PEG3: variants seen among roughly 807,000 people sequenced by gnomAD.
PEG3 encodes the protein paternally expressed 3, also known as paternally-expressed gene 3 protein.
A neutral mutation model predicts 35.5 loss-of-function variants in PEG3; 23 were observed. The ratio of observed to expected loss-of-function variants is 0.65; its 90% CI spans 0.47 to 0.92. The LOEUF (loss-of-function observed/expected upper bound fraction) is 0.92. Among genes scored for constraint, PEG3 ranks in the 40% least tolerant of loss-of-function variants. PEG3 has a pLI of 0.00. For synonymous variants in PEG3, 707 were observed against 697.0 expected (o/e 1.01, Z -0.23); for missense variants, 1,960 against 1,985.3 (o/e 0.99, Z 0.24).
At chr19:56,838,698 T>C (rs2062522475) in intron 1 of PEG3, among the ~76,000 whole-genome samples, 1 of 152,190 alleles carries the variant, frequency 6.6e-6, no homozygotes, top group South Asian at 2.1e-4. Flanking sequence ...AGGCAAACTC[T>C]TTAGGCACGT....
rs1395872454 is a variant in PEG3, at chr19:56,817,564, G to A, written c.878C>T (p.Pro293Leu). The change falls in exon 10 of 10, where the codon CCT (proline) becomes CTT (leucine). Residue 293 changes from proline (P) to leucine (L), a missense_variant. Pro to Leu is a moderately conservative substitution (Grantham distance 98). Around this residue, in one of 5 missense-constraint regions of PEG3, gnomAD observed 613 missense variants for 577.1 expected, o/e 1.06. Transcript: ENST00000326441. Reference protein sequence around the residue: ...PSTSRGLKTMPEAKKSTHRRG... With the variant: ...PSTSRGLKTMLEAKKSTHRRG... Reference sequence around the variant, plus strand: ...CCGGTGGGTTGATTTTTTGGCTTCAGGCATAGTTTTTAGACCTGGAAAGAA... The same window carrying A: ...CCGGTGGGTTGATTTTTTGGCTTCAAGCATAGTTTTTAGACCTGGAAAGAA... 1.3e-6 allele frequency: 2 copies of A among 1,591,808 alleles called. No individual in the cohort carries two copies. Among genetic ancestry groups the A allele is most frequent in the Non-Finnish European group, 1.7e-6 (2 of 1,168,404 alleles).
chr19:56,822,972 A>G, intron 5 of PEG3, 136 bp from the exon 6 acceptor site: 1 of 1,187,242 alleles, frequency 8.4e-7, no homozygotes, highest in Non-Finnish European at 1.2e-6. Flanking sequence ...AGAGAGCTCC[A>G]GGTTCCCAGG....
chr19:56,815,255 A>T lies in PEG3; in HGVS notation c.3187T>A (p.Ser1063Thr), dbSNP rs759150111. 4 of 1,613,008 alleles carry T rather than the reference A, an allele frequency of 2.5e-6. No individual in the cohort carries two copies. Among genetic ancestry groups the T allele is most frequent in the Non-Finnish European group, 3.4e-6 (4 of 1,179,736 alleles). The change falls in exon 10 of 10, where the codon TCT (serine) becomes ACT (threonine). Residue 1063 changes from serine to threonine, a missense_variant. Ser to Thr is a moderately conservative substitution (Grantham distance 58). Around this residue, in one of 5 missense-constraint regions of PEG3, gnomAD observed 798 missense variants for 782.4 expected, o/e 1.02. Coordinates refer to ENST00000326441, the MANE Select transcript of PEG3 (RefSeq NM_006210.3). Reference protein sequence around the residue: ...YDQEKSHGEESQGENTDGEET... With the variant: ...YDQEKSHGEETQGENTDGEET... ...TCCCCATCAGTATTCTCGCCTTGAG[A>T]CTCCTCGCCATGAGACTTCTCTTGG...
Position 56,823,644 on chromosome 19 carries a change from TGTC to T in PEG3, c.427_429del (p.Asp143del). ...GAGGACTCTCTTCTGTTCCGGGTCATGTCGTCGTCGCTGGTCACGTCACTGTTG... is the reference window on the plus strand; with the variant it reads ...GAGGACTCTCTTCTGTTCCGGGTCATGTCGTCGCTGGTCACGTCACTGTTG... On this transcript the variant is annotated inframe_deletion, in exon 5 of 10. Coordinates refer to ENST00000326441, the MANE Select transcript of PEG3 (RefSeq NM_006210.3). The T allele has an allele frequency of 6.2e-7, 1 of 1,614,136 alleles. No homozygotes were observed.
intron 1 of PEG3, among the ~76,000 whole-genome samples, chr19:56,836,872 G>A (rs2062170828): frequency 6.6e-6 from 1 of 151,438 alleles, no homozygotes; most frequent in Admixed American, 6.6e-5. Context: ...GAAGAGGCTG[G>A]GGTGGGAGAA....
chr19:56,824,796 G>A, intron 3 of PEG3, 55 bp from the exon 4 acceptor site: 1 of 759,580 alleles, frequency 1.3e-6, no homozygotes. Context: ...CCAGGCAGCA[G>A]TGGAGGCCAC....
chr19:56,839,571 G>A (rs1296349197), intron 1 of PEG3, among the ~76,000 whole-genome samples: 2 of 150,510 alleles, frequency 1.3e-5, no homozygotes, highest in Admixed American at 6.6e-5. Context: ...CGGGGCCTGA[G>A]TGGATAGTTA....
At position 56,815,915 on chromosome 19, in the gene PEG3, G is replaced by A; in HGVS notation, c.2527C>T (p.Pro843Ser). The change falls in exon 10 of 10, where the codon CCT (proline) becomes TCT (serine). Residue 843 changes from proline to serine, a missense_variant. This residue lies in a region of PEG3 where 798 missense variants were observed against 782.4 expected (regional missense o/e 1.02). Coordinates refer to ENST00000326441, the MANE Select transcript of PEG3 (RefSeq NM_006210.3). ...TCATTTCCATTGTGACTTCTTGGAG[G>A]TTTGGAAGCCACTAAGCTATGGATA... The part of the protein sequence containing the change: ...SVIHSLVASK[P>S]PRSHNGNELV... 2 of 1,610,588 alleles carry A rather than the reference G, an allele frequency of 1.2e-6. No individual in the cohort carries two copies. The highest frequency in any genetic ancestry group is 1.7e-6 in the Non-Finnish European group (2 of 1,178,102).
rs1290925229 is a variant in PEG3 at position 56,816,059 on chromosome 19, C to T, written c.2383G>A (p.Gly795Arg). 2 of 1,602,492 alleles carry T rather than the reference C, an allele frequency of 1.2e-6. No individual in the cohort carries two copies. The highest frequency in any genetic ancestry group is 1.7e-5 in the Admixed American group (1 of 58,888). Residue 795 changes from glycine (G) to arginine (R), a missense_variant, in exon 10 of 10, where the codon GGG becomes AGG. Physicochemically the swap from Gly to Arg is moderately radical, Grantham distance 125 (BLOSUM62 -2). Coordinates refer to ENST00000326441, the MANE Select transcript of PEG3 (RefSeq NM_006210.3). ...GCCATTACTTTTGGTTTACTGGGCC[C>T]TGCTACACTGTGACTTTTCTGAGCT... ...VEAQKSHSVA[G>R]PSKPKVMAES...
chr19:56,813,264 A>G lies in PEG3; in HGVS notation c.*411T>C, dbSNP rs144170438. The G allele has an allele frequency of 2.2e-4, 217 of 965,020 alleles. 1 individual carries two copies. The African/African-American group carries it at 3.5e-3, about 16-fold the overall frequency. The allele number at this position is 965,020 out of a possible 1,614,324, so 59.8% of individuals were successfully genotyped here. A position where few individuals can be genotyped will look rare whatever the true frequency, so the allele number is the denominator to read the frequency against. On this transcript the variant is annotated 3_prime_UTR_variant, in exon 10 of 10. Coordinates refer to ENST00000326441, the MANE Select transcript of PEG3 (RefSeq NM_006210.3). ...CCTCTGCAGAGTAAACTGTAACTGTATATCATATAAATCCAAATATATGTG... is the reference window on the plus strand; with the variant it reads ...CCTCTGCAGAGTAAACTGTAACTGTGTATCATATAAATCCAAATATATGTG...
chr19:56,822,984 T>G, intron 5 of PEG3, 148 bp from the exon 6 acceptor site: 1 of 1,063,926 alleles, frequency 9.4e-7, no homozygotes, highest in Non-Finnish European at 1.3e-6. Context: ...GTTCCCAGGC[T>G]CATCTGGCCC....
At chr19:56,838,954 C>A (rs185515477) in intron 1 of PEG3, among the ~76,000 whole-genome samples, 2,706 of 152,278 alleles carry the variant, frequency 0.018, 26 homozygotes, top group Non-Finnish European at 0.03. Flanking sequence ...CCGCCCATGC[C>A]ACCTGCAGCC....
At chr19:56,820,413 A>C (rs917839286) in intron 7 of PEG3, among the ~76,000 whole-genome samples, 1 of 152,208 alleles carries the variant, frequency 6.6e-6, no homozygotes, top group Non-Finnish European at 1.5e-5. Flanking sequence ...AATTCTTCAC[A>C]CATTGTCAAG....
At chr19:56,818,226 C>A (rs1418924354) in intron 8 of PEG3, among the ~76,000 whole-genome samples, 2 of 152,196 alleles carry the variant, frequency 1.3e-5, no homozygotes, top group Non-Finnish European at 2.9e-5. Flanking sequence ...TGCAGCACAG[C>A]CAACTGCCCA....
rs968710615 is a variant in PEG3, at chr19:56,840,571, G to A, written c.-250+11C>T. 7 of 152,338 alleles carry A rather than the reference G, an allele frequency of 4.6e-5. No homozygotes were observed. The highest frequency in any genetic ancestry group is 1.4e-4 in the African/African-American group (6 of 41,470). 9.4% of individuals were successfully genotyped at this position (152,338 alleles called of 1,614,324 possible). A position where few individuals can be genotyped will look rare whatever the true frequency, so the allele number is the denominator to read the frequency against. ...GCAGGAGGCGCGCGGGGCGGCCGAAGGCGCACTCACCTCACCTCAGTGCTG... is the reference window on the plus strand; with the variant it reads ...GCAGGAGGCGCGCGGGGCGGCCGAAAGCGCACTCACCTCACCTCAGTGCTG... On this transcript the variant is annotated intron_variant, in intron 1 of 9. Coordinates refer to ENST00000326441, the MANE Select transcript of PEG3 (RefSeq NM_006210.3).
Position 56,816,936 on chromosome 19 carries a change from C to G in PEG3, c.1506G>C (p.Gly502=), listed in dbSNP as rs2060034636. The change falls in exon 10 of 10, where the codon GGG becomes GGC. Residue 502 remains glycine, a synonymous_variant. Coordinates refer to ENST00000326441, the MANE Select transcript of PEG3 (RefSeq NM_006210.3). Reference sequence around the variant, plus strand: ...CACAGTCCTTACATTCAAAACGTTTCCCTCCAACCTGACTTTTCTGAACTT... The same window carrying G: ...CACAGTCCTTACATTCAAAACGTTTGCCTCCAACCTGACTTTTCTGAACTT... The part of the protein sequence containing the change: ...VSEVQKSQVG[G]KRFECKDCGE... The G allele has an allele frequency of 6.2e-7, 1 of 1,614,046 alleles. No homozygotes were observed. The highest frequency in any genetic ancestry group is 8.5e-7 in the Non-Finnish European group (1 of 1,180,026).
At chr19:56,822,455 CA>C (rs2060589309) in intron 6 of PEG3, 1 of 333,960 alleles carries the variant, frequency 3.0e-6, no homozygotes, top group Non-Finnish European at 5.4e-6. Context: ...TACTAGTTTT[CA>C]ATTTTTGCAG....
In PEG3 at chr19:56,823,647, C is replaced by T. The variant is rs149822437; in HGVS notation, c.427G>A (p.Asp143Asn). The T allele has an allele frequency of 2.0e-3, 3,148 of 1,614,114 alleles. 6 individuals carry two copies. Among genetic ancestry groups the T allele is most frequent in the Admixed American group, 2.8e-3 (169 of 60,026 alleles). Reference sequence around the variant, plus strand: ...GACTCTCTTCTGTTCCGGGTCATGTCGTCGTCGCTGGTCACGTCACTGTTG... The same window carrying T: ...GACTCTCTTCTGTTCCGGGTCATGTTGTCGTCGCTGGTCACGTCACTGTTG... The part of the protein sequence containing the change: ...DNNSDVTSDD[D>N]MTRNRRESSP... The change falls in exon 5 of 10, where the codon GAC becomes AAC. Residue 143 changes from aspartate (D) to asparagine (N), a missense_variant. Physicochemically the swap from Asp to Asn is conservative, Grantham distance 23. Around this residue, in one of 5 missense-constraint regions of PEG3, gnomAD observed 613 missense variants for 577.1 expected, o/e 1.06. Transcript: ENST00000326441.
Position 56,821,851 on chromosome 19 carries a change from G to C in PEG3, c.566-97C>G. 1.0e-5 allele frequency: 13 copies of C among 1,305,502 alleles called. No individual in the cohort carries two copies. The South Asian group carries it at 1.2e-4, about 12-fold the overall frequency. 80.9% of individuals were successfully genotyped at this position (1,305,502 alleles called of 1,614,324 possible). A position where few individuals can be genotyped will look rare whatever the true frequency, so the allele number is the denominator to read the frequency against. ...AACTATGAAGCCAGCTGGGGTGTGA[G>C]TGTATGAGAGCAAGTGCCTTTCTCT... On this transcript the variant is annotated intron_variant, in intron 6 of 9. Coordinates refer to ENST00000326441, the MANE Select transcript of PEG3 (RefSeq NM_006210.3).
Sources: allele counts gnomAD v4.1 joint callset (sites outside exome capture counted in the v4.1 genomes callset), GRCh38; gene constraint gnomAD v4.1.1; regional missense constraint gnomAD v4.1.1; transcripts MANE v1.5; gene names NCBI Gene and HGNC (gene_info 2026-07-23, HGNC 2026-07-21).